POLR3D: variants seen among roughly 807,000 people sequenced by gnomAD.
POLR3D encodes RNA polymerase III subunit D.
Under a neutral mutation model 44.5 loss-of-function variants are expected in POLR3D, and 42 were observed. That is an observed-to-expected ratio of 0.94 (90% CI 0.74 to 1.22). POLR3D has a LOEUF of 1.22. Ranked by LOEUF, POLR3D falls within the 50% of genes most tolerant of loss-of-function variation. POLR3D has a pLI of 0.00. For missense variants in POLR3D, 507 were observed against 505.2 expected (o/e 1.00, Z -0.03); for synonymous variants, 217 against 198.1 (o/e 1.10, Z -0.80).
At chr8:22,250,269 T>G (rs763013984) in intron 8 of POLR3D, 42 bp downstream of exon 8, 1 of 1,610,720 alleles carries the variant, frequency 6.2e-7, no homozygotes, top group Non-Finnish European at 8.5e-7. Context: ...CTTTCAGGAG[T>G]GAAGGAGGAT....
At position 22,247,099 on chromosome 8, in the gene POLR3D, A is replaced by G. The variant is rs1830051290; in HGVS notation, c.166-122A>G. On this transcript the variant is annotated intron_variant, in intron 2 of 8. Transcript: ENST00000306433. ...TCTATAAAACTGACAGCACTGTGGAATGTGCCAACGAGAGCCGTGGTGGCC... is the reference window on the plus strand; with the variant it reads ...TCTATAAAACTGACAGCACTGTGGAGTGTGCCAACGAGAGCCGTGGTGGCC... The G allele has an allele frequency of 4.4e-6, 3 of 686,262 alleles. No individual in the cohort carries two copies. In the South Asian group the frequency reaches 5.5e-5, roughly 13 times the overall value. 42.5% of individuals were successfully genotyped at this position (686,262 alleles called of 1,614,324 possible).
At chr8:22,250,026 G>A in intron 7 of POLR3D, 49 bp from the exon 8 acceptor site, 1 of 1,603,952 alleles carries the variant, frequency 6.2e-7, no homozygotes, top group Non-Finnish European at 8.5e-7. Context: ...CATGAAAGAT[G>A]GAGGAAAGAG....
Position 22,247,930 on chromosome 8 carries a change from C to A in POLR3D, c.283C>A (p.Arg95=). The A allele has an allele frequency of 6.2e-7, 1 of 1,614,036 alleles. No individual in the cohort carries two copies. Residue 95 remains arginine (R), a synonymous_variant, in exon 4 of 9, where the codon CGA becomes AGA. Transcript: ENST00000306433. The stretch of plus-strand genomic sequence containing the variant: ...AGACCGACAACGAGAGGGGCATGGA[C>A]GAGGGCGAGGCCGTCCAGAAGTGAT... ...DRDRQREGHG[R]GRGRPEVIQS... is the part of the protein sequence containing the mutation.
Position 22,248,561 on chromosome 8 carries a change from T to C in POLR3D, c.567T>C (p.Phe189=). ...CGCTGGCTCACTCAGGATGGCTTTT[T>C]AAGGAAGAAAATGACGAACCAGATG... ...QLPLAHSGWL[F]KEENDEPDVK... The change falls in exon 6 of 9, where the codon TTT becomes TTC. Residue 189 remains phenylalanine (F), a synonymous_variant. Coordinates refer to ENST00000306433, the MANE Select transcript of POLR3D (RefSeq NM_001722.3). 1 of 1,614,160 alleles carries C rather than the reference T, an allele frequency of 6.2e-7. No individual in the cohort carries two copies. The highest frequency in any genetic ancestry group is 8.5e-7 in the Non-Finnish European group (1 of 1,180,026).
rs1830076364 is a variant in POLR3D at position 22,249,303 on chromosome 8, A to G, written c.915A>G (p.Lys305=). 6.2e-7 allele frequency: 1 copy of G among 1,613,700 alleles called. No individual in the cohort carries two copies. Among genetic ancestry groups the G allele is most frequent in the Non-Finnish European group, 8.5e-7 (1 of 1,179,874 alleles). The change falls in exon 7 of 9, where the codon AAA becomes AAG. Residue 305 remains lysine, a synonymous_variant. Coordinates refer to ENST00000306433, the MANE Select transcript of POLR3D (RefSeq NM_001722.3). ...DGQVVLIKQE[K]DREAKLAENA... is the part of the protein sequence containing the mutation. ...AGGTGGTGCTCATCAAGCAGGAGAA[A>G]GACCGAGTACGCTCAGACAGAGGCC...
intron 2 of POLR3D, 90 bp downstream of exon 2, chr8:22,245,704 G>A (rs1401289069): frequency 1.2e-5 from 11 of 943,040 alleles, no homozygotes; most frequent in Non-Finnish European, 1.5e-5. Flanking sequence ...CCTACTGTGT[G>A]TCAGGACTGT....
Position 22,248,037 on chromosome 8 carries a change from TTCAGAC to T in POLR3D, c.361+31_361+36del, listed in dbSNP as rs767989296. The T allele has an allele frequency of 5.6e-6, 9 of 1,609,840 alleles. No individual in the cohort carries two copies. The East Asian group carries it at 1.8e-4, about 32-fold the overall frequency. On this transcript the variant is annotated intron_variant, in intron 4 of 8. Transcript: ENST00000306433. ...TAAGGAAGGAATCAGTGAATTTCAGTTCAGACTGCCCCAGAGAAGGGCGAGAACAGT... is the reference window on the plus strand; with the variant it reads ...TAAGGAAGGAATCAGTGAATTTCAGTTGCCCCAGAGAAGGGCGAGAACAGT...
rs763031596 is a variant in POLR3D at position 22,250,406 on chromosome 8, C to G, written c.1085C>G (p.Ser362Cys). 6.2e-7 allele frequency: 1 copy of G among 1,614,060 alleles called. No homozygotes were observed. Among genetic ancestry groups the G allele is most frequent in the African/African-American group, 1.3e-5 (1 of 74,916 alleles). ...TCTGTTAATTGGCAGGAGCTGGTGTCCGTGGGCCTTGGAGACAGTAGGACA... is the reference window on the plus strand; with the variant it reads ...TCTGTTAATTGGCAGGAGCTGGTGTGCGTGGGCCTTGGAGACAGTAGGACA... ...TACSFLQELV[S>C]VGLGDSRTGE... The change falls in exon 9 of 9, where the codon TCC (serine) becomes TGC (cysteine). Residue 362 changes from serine to cysteine, a missense_variant. Coordinates refer to ENST00000306433, the MANE Select transcript of POLR3D (RefSeq NM_001722.3).
chr8:22,249,296 A>G lies in POLR3D; in HGVS notation c.908A>G (p.Gln303Arg). The G allele has an allele frequency of 6.2e-7, 1 of 1,613,952 alleles. No individual in the cohort carries two copies. The highest frequency in any genetic ancestry group is 8.5e-7 in the Non-Finnish European group (1 of 1,179,950). The stretch of plus-strand genomic sequence containing the variant: ...GACGGACAGGTGGTGCTCATCAAGC[A>G]GGAGAAAGACCGAGTACGCTCAGAC... Reference protein sequence around the residue: ...GEDGQVVLIKQEKDREAKLAE... With the variant: ...GEDGQVVLIKREKDREAKLAE... Residue 303 changes from glutamine to arginine, a missense_variant, in exon 7 of 9, where the codon CAG becomes CGG. Physicochemically the swap from Gln to Arg is conservative, Grantham distance 43 (BLOSUM62 1). Transcript: ENST00000306433.
chr8:22,249,450 T>C, intron 7 of POLR3D, 141 bp downstream of exon 7: 1 of 826,988 alleles, frequency 1.2e-6, no homozygotes, highest in Non-Finnish European at 1.9e-6. Context: ...GCAAGAGCCA[T>C]GGGGCTTTGT....
chr8:22,249,230 C>T lies in POLR3D; in HGVS notation c.842C>T (p.Thr281Ile). Residue 281 changes from threonine to isoleucine, a missense_variant, in exon 7 of 9, where the codon ACC becomes ATC. Physicochemically the swap from Thr to Ile is moderately conservative, Grantham distance 89. Coordinates refer to ENST00000306433, the MANE Select transcript of POLR3D (RefSeq NM_001722.3). ...GACACCCTCCCTGGCCAGCCACCCA[C>T]CCAGGACATCAAGCCTATCAAGACA... ...LPDTLPGQPP[T>I]QDIKPIKTEV... is the part of the protein sequence containing the mutation. The T allele has an allele frequency of 1.9e-6, 3 of 1,613,988 alleles. No homozygotes were observed. Among genetic ancestry groups the T allele is most frequent in the Non-Finnish European group, 2.5e-6 (3 of 1,179,974 alleles).
At chr8:22,248,926 C>T (rs969930615) in intron 6 of POLR3D, 118 bp from the exon 7 acceptor site, 24 of 1,165,244 alleles carry the variant, frequency 2.1e-5, no homozygotes, top group Admixed American at 9.8e-5. Context: ...ATAACTGGTG[C>T]CTCCTTCCCA....
At position 22,250,967 on chromosome 8, in the gene POLR3D, G is replaced by A. The variant is rs1586509478; in HGVS notation, c.*449G>A. 4.9e-5 allele frequency: 9 copies of A among 183,072 alleles called. No individual in the cohort carries two copies. The South Asian group carries it at 1.0e-3, about 20-fold the overall frequency. The allele number at this position is 183,072 out of a possible 1,614,324, so 11.3% of individuals were successfully genotyped here. ...GATTGAGTCTGAGACTTAAGCACTC[G>A]GTCCCAGCTTGCCAGTTCCTGGTTC... On this transcript the variant is annotated 3_prime_UTR_variant, in exon 9 of 9. Coordinates refer to ENST00000306433, the MANE Select transcript of POLR3D (RefSeq NM_001722.3).
At chr8:22,245,802 T>G (rs913803111) in intron 2 of POLR3D, among the ~76,000 whole-genome samples, 188 bp downstream of exon 2, 2 of 152,210 alleles carry the variant, frequency 1.3e-5, no homozygotes, top group Non-Finnish European at 1.5e-5. Flanking sequence ...GATGTTGAAA[T>G]GACTCCCAGA....
rs1830132475 is a variant in POLR3D at position 22,254,535 on chromosome 8, A to C, written c.*4017A>C. Reference sequence around the variant, plus strand: ...CACATCCAGTTCTTCCATGTTAATGAGTATGTTGTGTTTCACATACTTCTG... The same window carrying C: ...CACATCCAGTTCTTCCATGTTAATGCGTATGTTGTGTTTCACATACTTCTG... On this transcript the variant is annotated 3_prime_UTR_variant, in exon 9 of 9. Transcript: ENST00000306433. 6.6e-6 allele frequency: 1 copy of C among 152,178 alleles called. No individual in the cohort carries two copies. The highest frequency in any genetic ancestry group is 6.5e-5 in the Admixed American group (1 of 15,282). The allele number at this position is 152,178 out of a possible 1,614,324, so 9.4% of individuals were successfully genotyped here.
rs1286810762 is a variant in POLR3D, at chr8:22,250,652, A to G, written c.*134A>G. The G allele has an allele frequency of 1.9e-6, 2 of 1,081,012 alleles. No individual in the cohort carries two copies. Among genetic ancestry groups the G allele is most frequent in the Non-Finnish European group, 2.7e-6 (2 of 730,570 alleles). 67.0% of individuals were successfully genotyped at this position (1,081,012 alleles called of 1,614,324 possible). On this transcript the variant is annotated 3_prime_UTR_variant, in exon 9 of 9. Transcript: ENST00000306433. Reference sequence around the variant, plus strand: ...TCCAGCCTTTGGCAACCATTGTTCCAGGTCCCCCAGGGCTTCCTCCCACAG... The same window carrying G: ...TCCAGCCTTTGGCAACCATTGTTCCGGGTCCCCCAGGGCTTCCTCCCACAG...
chr8:22,250,600 C>T lies in POLR3D; in HGVS notation c.*82C>T. ...ATTTTGTTCTTGAATCTGTGAGACC[C>T]AGAAGGGGCCCACTGAGCCCACTCA... On this transcript the variant is annotated 3_prime_UTR_variant, in exon 9 of 9. Coordinates refer to ENST00000306433, the MANE Select transcript of POLR3D (RefSeq NM_001722.3). 1 of 1,558,434 alleles carries T rather than the reference C, an allele frequency of 6.4e-7. No individual in the cohort carries two copies. Among genetic ancestry groups the T allele is most frequent in the Non-Finnish European group, 8.8e-7 (1 of 1,139,178 alleles).
rs1159285119 is a variant in POLR3D at position 22,247,165 on chromosome 8, T to C, written c.166-56T>C. ...TGCCCTTTGGGAATTTTTATTTTCC[T>C]CTGTACTTTGGGGTCAGAACCTAAC... is the stretch of plus-strand genomic sequence containing the variant. On this transcript the variant is annotated intron_variant, in intron 2 of 8. Coordinates refer to ENST00000306433, the MANE Select transcript of POLR3D (RefSeq NM_001722.3). 1.2e-5 allele frequency: 16 copies of C among 1,377,558 alleles called. No homozygotes were observed. The Admixed American group carries it at 2.9e-4, about 25-fold the overall frequency. The allele number at this position is 1,377,558 out of a possible 1,614,324, so 85.3% of individuals were successfully genotyped here.
At position 22,247,923 on chromosome 8, in the gene POLR3D, G is replaced by T. The variant is rs1830059190; in HGVS notation, c.276G>T (p.Gly92=). The T allele has an allele frequency of 1.2e-6, 2 of 1,614,032 alleles. No homozygotes were observed. The highest frequency in any genetic ancestry group is 2.7e-5 in the African/African-American group (2 of 74,922). ...RERDRDRQRE[G]HGRGRGRPEV... ...GGGACAGAGACCGACAACGAGAGGG[G>T]CATGGACGAGGGCGAGGCCGTCCAG... is the stretch of plus-strand genomic sequence containing the variant. Residue 92 remains glycine, a synonymous_variant, in exon 4 of 9, where the codon GGG becomes GGT. Transcript: ENST00000306433.
Sources: gnomAD v4.1 joint callset for allele counts (sites outside exome capture counted in the v4.1 genomes callset) on GRCh38, gnomAD v4.1.1 for gene constraint, MANE v1.5 for transcripts, NCBI Gene and HGNC (gene_info 2026-07-23, HGNC 2026-07-21) for gene names.